Variants in OASL observed in about 807,000 individuals in gnomAD.
OASL encodes the protein 2'-5'-oligoadenylate synthetase like, also known as 2'-5'-oligoadenylate synthase-like protein.
In OASL, 28 loss-of-function variants were observed where a neutral mutation model predicts 35.3. The ratio of observed to expected loss-of-function variants is 0.79; its 90% CI spans 0.59 to 1.09. The LOEUF (loss-of-function observed/expected upper bound fraction) is 1.09. Ranked by LOEUF, OASL falls within the 50% of genes least tolerant of loss-of-function variation. OASL has a pLI of 0.00. For missense variants in OASL, 620 were observed against 635.2 expected (o/e 0.98, Z 0.26); for synonymous variants, 252 against 254.6 (o/e 0.99, Z 0.10).
chr12:121,032,625 G>A (rs758663379), intron 2 of OASL, among the ~76,000 whole-genome samples: 1 of 152,190 alleles, frequency 6.6e-6, no homozygotes, highest in Non-Finnish European at 1.5e-5. Flanking sequence ...GACGCACGTT[G>A]TATTGAATTC....
Position 121,038,793 on chromosome 12 carries a change from C to T in OASL, c.179G>A (p.Arg60Gln), listed in dbSNP as rs749591065. 3.0e-5 allele frequency: 49 copies of T among 1,613,952 alleles called. No homozygotes were observed. Among genetic ancestry groups the T allele is most frequent in the Non-Finnish European group, 3.7e-5 (44 of 1,179,978 alleles). ...TCTTACCTTGACTACCTTCAGCACCCGCACATCCTGGTCCAGCCCACGCTT... is the reference window on the plus strand; with the variant it reads ...TCTTACCTTGACTACCTTCAGCACCTGCACATCCTGGTCCAGCCCACGCTT... Residue 60 changes from arginine to glutamine, a missense_variant, in exon 1 of 6, where the codon CGG becomes CAG. Transcript: ENST00000257570.
chr12:121,029,925 A>T (rs990054960), intron 3 of OASL, among the ~76,000 whole-genome samples: 3 of 151,878 alleles, frequency 2.0e-5, no homozygotes, highest in African/African-American at 4.8e-5. Context: ...GTGAATAGAT[A>T]AAAAAAATAC....
At position 121,032,436 on chromosome 12, in the gene OASL, G is replaced by A. The variant is rs111276702; in HGVS notation, c.482-819C>T. Among the ~76,000 whole-genome samples, 1,240 of 152,198 alleles carry A rather than the reference G, an allele frequency of 8.1e-3. 17 individuals are homozygous for A. Among genetic ancestry groups the A allele is most frequent in the African/African-American group, 0.028 (1,183 of 41,532 alleles). ...ACTTCAAACACCTAGGACTCTGCCC[G>A]AGGACAAACAACAGGGGCCAGTGAG... is the stretch of plus-strand genomic sequence containing the variant. On this transcript the variant is annotated intron_variant, in intron 2 of 5. Coordinates refer to ENST00000257570, the Ensembl canonical transcript of OASL.
At chr12:121,033,326 C>T in intron 2 of OASL, 135 bp downstream of exon 2, 1 of 864,026 alleles carries the variant, frequency 1.2e-6, no homozygotes, top group Non-Finnish European at 1.8e-6. Flanking sequence ...CTGCAATAAC[C>T]CAGCCCCAAG....
chr12:121,027,728 T>C (rs1869548938), exon 4 of OASL: 10 of 1,614,062 alleles, frequency 6.2e-6, no homozygotes, highest in Non-Finnish European at 8.5e-6. Context: ...TCTCGTCTTC[T>C]TCAGTACCCA....
chr12:121,024,842 T>C (rs2135904256), intron 4 of OASL, among the ~76,000 whole-genome samples: 1 of 152,294 alleles, frequency 6.6e-6, no homozygotes, highest in East Asian at 1.9e-4. Flanking sequence ...CTGACATTTA[T>C]TGAAGCACAA....
rs747885013 is a variant in OASL at position 121,024,086 on chromosome 12, G to A, written c.951C>T (p.Tyr317=). The A allele has an allele frequency of 3.1e-6, 5 of 1,614,174 alleles. No individual in the cohort carries two copies. In the South Asian group the frequency reaches 5.5e-5, roughly 18 times the overall value. The stretch of plus-strand genomic sequence containing the variant: ...CCCTCTGAGCAACGATGTCCCATCT[G>A]TACCCTTCTGCCACGTTGAGGGTGG... Residue 317 remains tyrosine, a synonymous_variant, in exon 5 of 6, where the codon TAC becomes TAT. Coordinates refer to ENST00000257570, the Ensembl canonical transcript of OASL.
chr12:121,039,101 C>T (rs1870082267), exon 1 of OASL: 2 of 739,830 alleles, frequency 2.7e-6, no homozygotes, highest in East Asian at 2.7e-5. Context: ...AGGAGGGACC[C>T]TAGCAGAGAG....
chr12:121,039,018 C>T (rs1215663415), exon 1 of OASL: 4 of 1,533,562 alleles, frequency 2.6e-6, no homozygotes, highest in Non-Finnish European at 3.6e-6. Context: ...AGCCAGGCTC[C>T]TACCCAGCTC....
chr12:121,024,697 G>A (rs897093529), intron 4 of OASL, among the ~76,000 whole-genome samples: 3 of 152,084 alleles, frequency 2.0e-5, no homozygotes, highest in African/African-American at 7.2e-5. Context: ...GCCCCAAGAG[G>A]CATGCTGGAG....
At chr12:121,034,064 AT>A (rs887094032) in intron 1 of OASL, among the ~76,000 whole-genome samples, 8 of 152,134 alleles carry the variant, frequency 5.3e-5, no homozygotes, top group African/African-American at 1.9e-4. Flanking sequence ...TACTGGGAGG[AT>A]CAGATGAAAT....
At position 121,023,818 on chromosome 12, in the gene OASL, G is replaced by C. The variant is rs906911398; in HGVS notation, c.1047+172C>G. 4 of 628,144 alleles carry C rather than the reference G, an allele frequency of 6.4e-6. No homozygotes were observed. The African/African-American group carries it at 7.2e-5, about 11-fold the overall frequency. 38.9% of individuals were successfully genotyped at this position (628,144 alleles called of 1,614,324 possible). Reference sequence around the variant, plus strand: ...GAAGGTAAGAAACCCAAGGCTCTGAGAGCCAAAGAATTTGTCCAAGTTCAC... The same window carrying C: ...GAAGGTAAGAAACCCAAGGCTCTGACAGCCAAAGAATTTGTCCAAGTTCAC... On this transcript the variant is annotated intron_variant, in intron 5 of 5. Transcript: ENST00000257570.
chr12:121,021,054 G>T, exon 6 of OASL: 1 of 1,577,746 alleles, frequency 6.3e-7, no homozygotes, highest in Non-Finnish European at 8.6e-7. Flanking sequence ...GATGTCTCGT[G>T]CCCTCTGGAA....
chr12:121,029,678 A>T (rs2135909814), intron 3 of OASL, among the ~76,000 whole-genome samples: 1 of 151,396 alleles, frequency 6.6e-6, no homozygotes, highest in African/African-American at 2.4e-5. Context: ...ACAGAGCAAG[A>T]CTCTGTCTCA....
At chr12:121,020,373 G>T (rs762481400) in exon 6 of OASL, 2 of 582,408 alleles carry the variant, frequency 3.4e-6, no homozygotes, top group East Asian at 5.9e-5. Context: ...CGGCTCAAGC[G>T]CTCCTCCCAC....
At chr12:121,017,851 T>C (rs907089075), downstream of OASL, among the ~76,000 whole-genome samples, 2 of 152,198 alleles carry the variant, frequency 1.3e-5, no homozygotes, top group East Asian at 1.9e-4. Context: ...TTAAAAGAGG[T>C]TGTGGCAACG....
intron 1 of OASL, 116 bp from the exon 2 acceptor site, chr12:121,033,859 G>T (rs1869850760): frequency 1.8e-6 from 2 of 1,117,852 alleles, no homozygotes; most frequent in African/African-American, 1.5e-5. Context: ...GGGATGGGTT[G>T]TGGGTAGTAC....
At chr12:121,027,950 T>G in intron 3 of OASL, 133 bp from the exon 4 acceptor site, 1 of 705,618 alleles carries the variant, frequency 1.4e-6, no homozygotes, top group Non-Finnish European at 2.4e-6. Flanking sequence ...ACCTTGGCCA[T>G]GTCACATTCC....
At chr12:121,021,087 T>C (rs564296134) in intron 5 of OASL, 29 bp from the exon 6 acceptor site, 1 of 1,527,598 alleles carries the variant, frequency 6.5e-7, no homozygotes, top group Admixed American at 2.1e-5. Flanking sequence ...AGGAGAGGTG[T>C]TAAGTCCACA....
Sources: allele counts gnomAD v4.1 joint callset (sites outside exome capture counted in the v4.1 genomes callset), GRCh38; gene constraint gnomAD v4.1.1; transcripts MANE v1.5; gene names NCBI Gene and HGNC (gene_info 2026-07-23, HGNC 2026-07-21).